Variants in LRP1B observed in about 807,000 individuals in gnomAD.
The protein encoded by LRP1B is low-density lipoprotein receptor-related protein 1B.
A neutral mutation model predicts 556.6 loss-of-function variants in LRP1B; 217 were observed. The ratio of observed to expected loss-of-function variants is 0.39; its 90% CI spans 0.35 to 0.44. The LOEUF is 0.44. Among genes scored for constraint, LRP1B ranks in the 20% least tolerant of loss-of-function variants. The probability of loss-of-function intolerance (pLI) is 1.00; values close to 1 mark genes in which losing one functional copy is unlikely to be tolerated. For synonymous variants in LRP1B, 2,047 were observed against 1,865.8 expected (o/e 1.10, Z -2.50); for missense variants, 5,053 against 5,620.8 (o/e 0.90, Z 3.23).
chr2:141,370,657 C>A (rs1689197518), intron 3 of LRP1B, among the ~76,000 whole-genome samples: 1 of 152,028 alleles, frequency 6.6e-6, no homozygotes. Flanking sequence ...GTTTAAATCC[C>A]ATTTGTCTAT....
chr2:140,333,678 C>T (rs1680931932), intron 79 of LRP1B, among the ~76,000 whole-genome samples: 1 of 151,926 alleles, frequency 6.6e-6, no homozygotes, highest in Non-Finnish European at 1.5e-5. Flanking sequence ...GCATTATGTC[C>T]TTTCTGTGGA....
chr2:141,487,583 T>C (rs532810015), intron 2 of LRP1B, among the ~76,000 whole-genome samples: 1 of 152,166 alleles, frequency 6.6e-6, no homozygotes, highest in Non-Finnish European at 1.5e-5. Flanking sequence ...AATTGAAGCT[T>C]CATTAACATT....
intron 7 of LRP1B, among the ~76,000 whole-genome samples, chr2:141,159,173 A>C (rs1702139652): frequency 6.6e-6 from 1 of 152,190 alleles, no homozygotes; most frequent in South Asian, 2.1e-4. Flanking sequence ...GTTATAAAAC[A>C]ACATATTTCT....
chr2:140,715,926 G>T (rs1318862918), intron 37 of LRP1B, 47 bp downstream of exon 37: 2 of 1,435,352 alleles, frequency 1.4e-6, no homozygotes, highest in Middle Eastern at 1.9e-4. Context: ...ATAGAACTTA[G>T]AAAACTCACA....
intron 77 of LRP1B, among the ~76,000 whole-genome samples, chr2:140,342,303 T>A (rs1474700513): frequency 6.6e-6 from 1 of 151,128 alleles, no homozygotes; most frequent in Non-Finnish European, 1.5e-5. Context: ...TTTCTTACTA[T>A]GGTTATAAAA....
At chr2:142,049,123 A>T (rs1310900651) in intron 1 of LRP1B, among the ~76,000 whole-genome samples, 1 of 151,998 alleles carries the variant, frequency 6.6e-6, no homozygotes, top group African/African-American at 2.4e-5. Flanking sequence ...GTTGATTACT[A>T]AAAAAAGGCC....
At chr2:140,372,528 G>A (rs2931465) in intron 69 of LRP1B, among the ~76,000 whole-genome samples, 14,542 of 152,074 alleles carry the variant, frequency 0.096, 1,236 homozygotes, top group African/African-American at 0.23. Flanking sequence ...ATTGAGTAGT[G>A]TATCTTTTTT....
chr2:141,404,371 G>A (rs1690551685), intron 3 of LRP1B, among the ~76,000 whole-genome samples: 1 of 152,096 alleles, frequency 6.6e-6, no homozygotes, highest in Non-Finnish European at 1.5e-5. Context: ...TTTTACAGAA[G>A]TTACATTAAT....
chr2:141,552,222 C>T (rs2105231401), intron 2 of LRP1B, among the ~76,000 whole-genome samples: 1 of 151,964 alleles, frequency 6.6e-6, no homozygotes, highest in African/African-American at 2.4e-5. Flanking sequence ...TTTATTTCTC[C>T]AAATTGTACT....
At chr2:140,294,661 G>A (rs1683528735) in intron 84 of LRP1B, among the ~76,000 whole-genome samples, 1 of 152,156 alleles carries the variant, frequency 6.6e-6, no homozygotes, top group Non-Finnish European at 1.5e-5. Context: ...TGCAGACCTA[G>A]GATGGATAGT....
intron 35 of LRP1B, among the ~76,000 whole-genome samples, chr2:140,721,325 T>C (rs1687392084): frequency 6.6e-6 from 1 of 152,130 alleles, no homozygotes; most frequent in Admixed American, 6.5e-5. Context: ...GTGGCTTTTA[T>C]GTCACATTTC....
chr2:140,700,909 T>C (rs922852340), intron 40 of LRP1B, among the ~76,000 whole-genome samples: 1 of 152,142 alleles, frequency 6.6e-6, no homozygotes, highest in African/African-American at 2.4e-5. Context: ...AAATCTTTTT[T>C]GAAACTTGAT....
At chr2:142,128,824 G>T (rs541092519) in intron 1 of LRP1B, among the ~76,000 whole-genome samples, 8 of 152,204 alleles carry the variant, frequency 5.3e-5, no homozygotes, top group Non-Finnish European at 1.0e-4. Context: ...AAACTAAATT[G>T]GCACCAAATA....
chr2:140,366,098 G>C (rs534291026), intron 71 of LRP1B, among the ~76,000 whole-genome samples: 6 of 151,676 alleles, frequency 4.0e-5, no homozygotes, highest in African/African-American at 1.2e-4. Context: ...TCTAGCTCTG[G>C]TGTGGAGAAT....
chr2:140,472,781 T>A (rs552916851), intron 60 of LRP1B, among the ~76,000 whole-genome samples: 11 of 152,180 alleles, frequency 7.2e-5, no homozygotes, highest in African/African-American at 1.2e-4. Context: ...AACCATAAAG[T>A]CCAAGGTCTA....
chr2:141,319,491 G>T (rs1687159517), intron 3 of LRP1B, among the ~76,000 whole-genome samples: 2 of 151,792 alleles, frequency 1.3e-5, no homozygotes, highest in African/African-American at 4.8e-5. Context: ...GGTGAGGGTT[G>T]TATATTAGGG....
chr2:140,959,772 GA>G (rs1230682486), intron 18 of LRP1B, among the ~76,000 whole-genome samples: 1 of 151,596 alleles, frequency 6.6e-6, no homozygotes, highest in Non-Finnish European at 1.5e-5. Context: ...ACTTCCAAGA[GA>G]AAAGGAGTAA....
intron 41 of LRP1B, among the ~76,000 whole-genome samples, chr2:140,692,495 G>GT (rs1478114203): frequency 5.3e-5 from 8 of 152,162 alleles, no homozygotes; most frequent in South Asian, 2.1e-4. Context: ...TGAAAGTCTG[G>GT]TTTTTTCTCA....
intron 1 of LRP1B, among the ~76,000 whole-genome samples, chr2:142,053,495 C>T (rs1559045012): frequency 6.6e-6 from 1 of 151,488 alleles, no homozygotes; most frequent in Non-Finnish European, 1.5e-5. Flanking sequence ...TATATATATA[C>T]ACACATGTAA....
Sources: allele counts gnomAD v4.1 joint callset (sites outside exome capture counted in the v4.1 genomes callset), GRCh38; gene constraint gnomAD v4.1.1; transcripts MANE v1.5; gene names NCBI Gene and HGNC (gene_info 2026-07-23, HGNC 2026-07-21).